Variants in CDK5RAP2 observed in about 807,000 individuals in gnomAD.
The protein encoded by CDK5RAP2 is CDK5 regulatory subunit-associated protein 2.
In CDK5RAP2, 147 loss-of-function variants were observed where a neutral mutation model predicts 232.9. The ratio of observed to expected loss-of-function variants is 0.63; its 90% CI spans 0.55 to 0.72. The LOEUF (loss-of-function observed/expected upper bound fraction) is 0.72, where lower values mean the gene tolerates loss of function less well. CDK5RAP2 is among the 30% of genes least tolerant of loss of function. The pLI, the probability that CDK5RAP2 is intolerant of heterozygous loss-of-function variation, is 0.00. For missense variants in CDK5RAP2, 2,195 were observed against 2,231.5 expected (o/e 0.98, Z 0.33); for synonymous variants, 833 against 833.7 (o/e 1.00, Z 0.01).
At chr9:120,566,139 C>G (rs1362506875) in intron 3 of CDK5RAP2, among the ~76,000 whole-genome samples, 1 of 152,166 alleles carries the variant, frequency 6.6e-6, no homozygotes, top group East Asian at 1.9e-4. Context: ...AATATGCATG[C>G]TCTTAAAATT....
At chr9:120,391,376 G>A (rs912060187) in intron 36 of CDK5RAP2, among the ~76,000 whole-genome samples, 3 of 152,266 alleles carry the variant, frequency 2.0e-5, no homozygotes, top group Non-Finnish European at 2.9e-5. Flanking sequence ...CAAAGGACTC[G>A]TCCCAAATCT....
chr9:120,546,778 C>T (rs766261263), intron 4 of CDK5RAP2, among the ~76,000 whole-genome samples: 3 of 152,002 alleles, frequency 2.0e-5, no homozygotes, highest in African/African-American at 7.2e-5. Context: ...GGACTATAGG[C>T]GTGCACTGCC....
chr9:120,392,004 G>C (rs1308175947), intron 36 of CDK5RAP2, among the ~76,000 whole-genome samples: 1 of 152,212 alleles, frequency 6.6e-6, no homozygotes. Context: ...AGGCCTAGGA[G>C]ATATGGAGAT....
At chr9:120,451,965 T>C (rs541902929) in intron 21 of CDK5RAP2, among the ~76,000 whole-genome samples, 42 of 151,020 alleles carry the variant, frequency 2.8e-4, no homozygotes, top group African/African-American at 8.7e-4. Context: ...TCCTTCCTTT[T>C]GAAGACATAG....
rs868315737 is a variant in CDK5RAP2, at chr9:120,491,243, A to G, written c.1482+64T>C. 7.3e-5 allele frequency: 87 copies of G among 1,187,612 alleles called. No homozygotes were observed. In the Middle Eastern group the frequency reaches 2.0e-3, roughly 27 times the overall value. 73.6% of individuals were successfully genotyped at this position (1,187,612 alleles called of 1,614,324 possible). A position where few individuals can be genotyped will look rare whatever the true frequency, so the allele number is the denominator to read the frequency against. On this transcript the variant is annotated intron_variant, in intron 13 of 37. Coordinates refer to ENST00000349780, the MANE Select transcript of CDK5RAP2 (RefSeq NM_018249.6). ...GTAATCATAAATATTTCTGCAAAAGAATTATTTTTTAAAAAAATCAACCCA... is the reference window on the plus strand; with the variant it reads ...GTAATCATAAATATTTCTGCAAAAGGATTATTTTTTAAAAAAATCAACCCA...
rs113330849 is a variant in CDK5RAP2 at position 120,538,459 on chromosome 9, CCTAA to C, written c.507+578_507+581del. Among the ~76,000 whole-genome samples the C allele has an allele frequency of 5.9e-3, 900 of 152,158 alleles. 12 individuals carry two copies. The highest frequency in any genetic ancestry group is 0.02 in the African/African-American group (833 of 41,490). ...ACTCCCATCACAGTGACAGGAAATA[CCTAA>C]CTGAGAGTAAATAGAAGAAGTGACA... On this transcript the variant is annotated intron_variant, in intron 6 of 37. Coordinates refer to ENST00000349780, the MANE Select transcript of CDK5RAP2 (RefSeq NM_018249.6).
At chr9:120,496,541 C>T (rs2039257361) in intron 12 of CDK5RAP2, among the ~76,000 whole-genome samples, 2 of 150,110 alleles carry the variant, frequency 1.3e-5, no homozygotes. Context: ...CGGCCAGCCG[C>T]CCCGTCCGGG....
intron 23 of CDK5RAP2, among the ~76,000 whole-genome samples, chr9:120,441,537 C>A (rs995650693): frequency 6.6e-6 from 1 of 152,194 alleles, no homozygotes; most frequent in Non-Finnish European, 1.5e-5. Flanking sequence ...CGGAGGCGTG[C>A]GTGCGAAGGC....
chr9:120,532,238 T>C (rs1489901512), intron 7 of CDK5RAP2, among the ~76,000 whole-genome samples: 8 of 152,146 alleles, frequency 5.3e-5, no homozygotes, highest in Non-Finnish European at 1.0e-4. Context: ...TGGCAACTAA[T>C]TCACACTTTA....
At chr9:120,401,032 T>C in intron 34 of CDK5RAP2, 147 bp from the exon 35 acceptor site, 2 of 757,058 alleles carry the variant, frequency 2.6e-6, no homozygotes, top group South Asian at 3.5e-5. Context: ...CACCAATTTA[T>C]TGTTCTTAAA....
Position 120,389,137 on chromosome 9 carries a change from C to A in CDK5RAP2, c.*99G>T. The A allele has an allele frequency of 1.0e-6, 1 of 1,004,364 alleles. No homozygotes were observed. The highest frequency in any genetic ancestry group is 1.4e-5 in the South Asian group (1 of 70,618). 62.2% of individuals were successfully genotyped at this position (1,004,364 alleles called of 1,614,324 possible). On this transcript the variant is annotated 3_prime_UTR_variant, in exon 38 of 38. Transcript: ENST00000349780. ...AAAAAATAGATTTCCTTTGGCCAGA[C>A]AGCTCTTTCTTCCTCAATAAATAGG...
At chr9:120,489,303 T>C (rs74684565) in intron 13 of CDK5RAP2, among the ~76,000 whole-genome samples, 2,139 of 152,364 alleles carry the variant, frequency 0.014, 48 homozygotes, top group African/African-American at 0.049. Flanking sequence ...TTCTAAAATT[T>C]CAAAATGACA....
intron 25 of CDK5RAP2, among the ~76,000 whole-genome samples, chr9:120,434,210 C>T (rs1305199420): frequency 6.6e-6 from 1 of 152,058 alleles, no homozygotes; most frequent in African/African-American, 2.4e-5. Context: ...AATATGATGA[C>T]ATTTGAGACA....
At chr9:120,413,287 T>C (rs1335770006) in intron 28 of CDK5RAP2, among the ~76,000 whole-genome samples, 1 of 152,178 alleles carries the variant, frequency 6.6e-6, no homozygotes, top group Admixed American at 6.5e-5. Flanking sequence ...CTGAGGGTCA[T>C]CACTATCAGC....
At chr9:120,506,905 TAAAG>T (rs911327844) in intron 12 of CDK5RAP2, among the ~76,000 whole-genome samples, 3 of 152,236 alleles carry the variant, frequency 2.0e-5, no homozygotes, top group African/African-American at 7.2e-5. Flanking sequence ...ACTTAGTTGA[TAAAG>T]CAGTAGCAGG....
chr9:120,547,421 T>G (rs1366187058), intron 4 of CDK5RAP2, among the ~76,000 whole-genome samples: 1 of 151,900 alleles, frequency 6.6e-6, no homozygotes, highest in Non-Finnish European at 1.5e-5. Context: ...CTGGCCAACA[T>G]GGCAAAACAC....
chr9:120,438,010 C>T (rs2035686670), intron 24 of CDK5RAP2, among the ~76,000 whole-genome samples: 1 of 152,184 alleles, frequency 6.6e-6, no homozygotes, highest in Admixed American at 6.5e-5. Context: ...CTGTCAGTAA[C>T]TGAATTCAGT....
intron 1 of CDK5RAP2, among the ~76,000 whole-genome samples, chr9:120,578,571 T>TA: frequency 6.7e-6 from 1 of 148,312 alleles, no homozygotes; most frequent in South Asian, 2.1e-4. Flanking sequence ...TCACTTTCCT[T>TA]TTTTTTTTTT....
intron 8 of CDK5RAP2, among the ~76,000 whole-genome samples, chr9:120,529,502 G>A (rs1177933111): frequency 6.6e-6 from 1 of 152,184 alleles, no homozygotes; most frequent in African/African-American, 2.4e-5. Context: ...ACCTTGCCAG[G>A]TGGCTGGGAG....
Sources: allele counts gnomAD v4.1 joint callset (sites outside exome capture counted in the v4.1 genomes callset), GRCh38; gene constraint gnomAD v4.1.1; transcripts MANE v1.5; gene names NCBI Gene and HGNC (gene_info 2026-07-23, HGNC 2026-07-21).